FBXO32: variants seen among roughly 807,000 people sequenced by gnomAD.
FBXO32 encodes the protein F-box protein 32, also known as F-box only protein 32.
In FBXO32, 15 loss-of-function variants were observed where a neutral mutation model predicts 48.3. The observed-to-expected ratio is 0.31, with a 90% CI of 0.21 to 0.48. FBXO32 has a LOEUF of 0.48. Ranked by LOEUF, FBXO32 falls within the 20% of genes least tolerant of loss-of-function variation. FBXO32 has a pLI of 0.99. For synonymous variants in FBXO32, 154 were observed against 165.9 expected (o/e 0.93, Z 0.55); for missense variants, 309 against 432.7 (o/e 0.71, Z 2.54).
intron 4 of FBXO32, among the ~76,000 whole-genome samples, chr8:123,514,711 C>T (rs145369705): frequency 6.6e-6 from 1 of 152,326 alleles, no homozygotes; most frequent in East Asian, 1.9e-4. Flanking sequence ...CTTCTGCCCC[C>T]GCTTGAACTT....
chr8:123,509,382 T>C lies in FBXO32; in HGVS notation c.652-2808A>G, dbSNP rs367970491. 2.6e-4 allele frequency among the ~76,000 whole-genome samples: 40 copies of C among 152,250 alleles called. No individual in the cohort carries two copies. The South Asian group carries it at 7.7e-3, about 29-fold the overall frequency. ...CTTTTTTCTTTCTCTCTCTCTCAAT[T>C]TCTCTTTCCTCTGCAGAGTTGAGCT... On this transcript the variant is annotated intron_variant, in intron 6 of 8. Transcript: ENST00000517956.
At chr8:123,532,714 A>G (rs889055268) in intron 3 of FBXO32, among the ~76,000 whole-genome samples, 6 of 152,236 alleles carry the variant, frequency 3.9e-5, no homozygotes, top group Admixed American at 1.3e-4. Flanking sequence ...AAATATACAT[A>G]AAAGGGCTTT....
In FBXO32 at chr8:123,541,058, T is replaced by C; in HGVS notation, c.-44A>G. The C allele has an allele frequency of 1.4e-6, 2 of 1,388,236 alleles. No individual in the cohort carries two copies. The highest frequency in any genetic ancestry group is 1.3e-5 in the South Asian group (1 of 75,940). 86.0% of individuals were successfully genotyped at this position (1,388,236 alleles called of 1,614,324 possible). A position where few individuals can be genotyped will look rare whatever the true frequency, so the allele number is the denominator to read the frequency against. On this transcript the variant is annotated 5_prime_UTR_variant, in exon 1 of 9. Coordinates refer to ENST00000517956, the MANE Select transcript of FBXO32 (RefSeq NM_058229.4). Reference sequence around the variant, plus strand: ...GACGGATGGGGAGACGGGGCCGGCCTGGTGGGCTCGGGGACGTGCCACCCG... The same window carrying C: ...GACGGATGGGGAGACGGGGCCGGCCCGGTGGGCTCGGGGACGTGCCACCCG...
At chr8:123,530,972 ATTTTT>A (rs35151201) in intron 4 of FBXO32, among the ~76,000 whole-genome samples, 2 of 68,996 alleles carry the variant, frequency 2.9e-5, no homozygotes, top group Non-Finnish European at 2.4e-5. Context: ...ATCCAGTCAG[ATTTTT>A]TTTTTTTTTT....
At position 123,499,728 on chromosome 8, in the gene FBXO32, A is replaced by G. The variant is rs1816441599; in HGVS notation, c.*3645T>C. The G allele has an allele frequency of 1.3e-5, 2 of 152,250 alleles. No homozygotes were observed. The highest frequency in any genetic ancestry group is 1.3e-4 in the Admixed American group (2 of 15,282). The allele number at this position is 152,250 out of a possible 1,614,324, so 9.4% of individuals were successfully genotyped here. A position where few individuals can be genotyped will look rare whatever the true frequency, so the allele number is the denominator to read the frequency against. On this transcript the variant is annotated 3_prime_UTR_variant, in exon 9 of 9. Transcript: ENST00000517956. Reference sequence around the variant, plus strand: ...TTCTTGTAAATCATACCAATTGTTTAGACAATTGAAATTCCAAGCTCTTTC... The same window carrying G: ...TTCTTGTAAATCATACCAATTGTTTGGACAATTGAAATTCCAAGCTCTTTC...
rs1333680519 is a variant in FBXO32, at chr8:123,502,115, A to G, written c.*1258T>C. On this transcript the variant is annotated 3_prime_UTR_variant, in exon 9 of 9. Transcript: ENST00000517956. ...GTACCTCTCCTCCCTATTTGGCTGG[A>G]ACTCCAGCCTTGATTTTTAATCACC... The G allele has an allele frequency of 6.6e-6, 1 of 152,176 alleles. No homozygotes were observed. The highest frequency in any genetic ancestry group is 1.9e-4 in the East Asian group (1 of 5,190). 9.4% of individuals were successfully genotyped at this position (152,176 alleles called of 1,614,324 possible).
rs1221013653 is a variant in FBXO32, at chr8:123,498,508, C to G, written c.*4865G>C. On this transcript the variant is annotated 3_prime_UTR_variant, in exon 9 of 9. Transcript: ENST00000517956. ...CAGACAAAGTCATGAATATCATGGC[C>G]CCTTGCTCCTGGCTGCCTCATGGAA... 1 of 152,152 alleles carries G rather than the reference C, an allele frequency of 6.6e-6. No homozygotes were observed. Among genetic ancestry groups the G allele is most frequent in the Non-Finnish European group, 1.5e-5 (1 of 68,030 alleles). 9.4% of individuals were successfully genotyped at this position (152,152 alleles called of 1,614,324 possible).
In FBXO32 at chr8:123,539,006, A is replaced by T. The variant is rs138270157; in HGVS notation, c.116+1893T>A. 3.7e-3 allele frequency among the ~76,000 whole-genome samples: 566 copies of T among 152,218 alleles called. 5 individuals carry two copies. The highest frequency in any genetic ancestry group is 4.4e-3 in the Non-Finnish European group (297 of 68,014). On this transcript the variant is annotated intron_variant, in intron 1 of 8. Coordinates refer to ENST00000517956, the MANE Select transcript of FBXO32 (RefSeq NM_058229.4). Reference sequence around the variant, plus strand: ...ATAGGGTATTTTAAAACAAATTTTAAATTTTTATTTATTTTTAGAGACAGG... The same window carrying T: ...ATAGGGTATTTTAAAACAAATTTTATATTTTTATTTATTTTTAGAGACAGG...
intron 2 of FBXO32, 87 bp downstream of exon 2, chr8:123,534,615 A>G (rs1313768179): frequency 5.2e-6 from 4 of 770,630 alleles, no homozygotes; most frequent in Admixed American, 4.1e-5. Flanking sequence ...GATGTGTGAC[A>G]TGGGAGGTGT....
At chr8:123,535,158 A>G (rs1817285950) in intron 1 of FBXO32, among the ~76,000 whole-genome samples, 1 of 152,100 alleles carries the variant, frequency 6.6e-6, no homozygotes, top group Non-Finnish European at 1.5e-5. Context: ...AAAATGACGA[A>G]TGGGGGGAGG....
At chr8:123,509,015 GT>G (rs149153378) in intron 6 of FBXO32, among the ~76,000 whole-genome samples, 5,746 of 152,184 alleles carry the variant, frequency 0.038, 152 homozygotes, top group Non-Finnish European at 0.057. Flanking sequence ...ATCCACTAGG[GT>G]CTATGTCACT....
chr8:123,515,433 G>C (rs1287051740), intron 4 of FBXO32, among the ~76,000 whole-genome samples: 1 of 149,614 alleles, frequency 6.7e-6, no homozygotes, highest in African/African-American at 2.5e-5. Context: ...ATTTTTATTG[G>C]AGACAGGGTT....
intron 1 of FBXO32, among the ~76,000 whole-genome samples, chr8:123,538,106 G>A (rs1817345136): frequency 6.6e-6 from 1 of 151,944 alleles, no homozygotes; most frequent in South Asian, 2.1e-4. Flanking sequence ...TTTTGAGAAG[G>A]GGTCCTGCTT....
At chr8:123,530,647 G>C (rs900703108) in intron 4 of FBXO32, among the ~76,000 whole-genome samples, 2 of 152,082 alleles carry the variant, frequency 1.3e-5, no homozygotes, top group Non-Finnish European at 1.5e-5. Context: ...ACAGAGTCTC[G>C]CACTGTCGCC....
chr8:123,510,913 G>A (rs899569155), intron 6 of FBXO32, among the ~76,000 whole-genome samples: 2 of 152,208 alleles, frequency 1.3e-5, no homozygotes, highest in East Asian at 3.8e-4. Context: ...TGATATGATG[G>A]TGATGTCCAT....
Position 123,499,989 on chromosome 8 carries a change from A to T in FBXO32, c.*3384T>A, listed in dbSNP as rs1446521225. On this transcript the variant is annotated 3_prime_UTR_variant, in exon 9 of 9. Transcript: ENST00000517956. ...TTCAATGTAAACCTGATCATCATTA[A>T]ACAAAAATCATCTCACAACTGATAC... is the stretch of plus-strand genomic sequence containing the variant. The T allele has an allele frequency of 6.6e-6, 1 of 152,234 alleles. No individual in the cohort carries two copies. The highest frequency in any genetic ancestry group is 1.5e-5 in the Non-Finnish European group (1 of 68,056). 9.4% of individuals were successfully genotyped at this position (152,234 alleles called of 1,614,324 possible). A position where few individuals can be genotyped will look rare whatever the true frequency, so the allele number is the denominator to read the frequency against.
intron 4 of FBXO32, among the ~76,000 whole-genome samples, chr8:123,529,230 A>G (rs1454272004): frequency 6.6e-6 from 1 of 152,226 alleles, no homozygotes; most frequent in Middle Eastern, 3.2e-3. Context: ...CAAAGCGCTC[A>G]TGATGTATTT....
chr8:123,513,995 C>T lies in FBXO32; in HGVS notation c.466+245G>A, dbSNP rs985491825. On this transcript the variant is annotated intron_variant, in intron 5 of 8. Coordinates refer to ENST00000517956, the MANE Select transcript of FBXO32 (RefSeq NM_058229.4). This position sits in a 1 kb window ranked among gnomAD's most constrained non-coding sequence, Gnocchi z 4.3. ...TGTCTACACTGAGAAGCCTACGAGG[C>T]TTATAGTAGGGCAAGTGGATGGTCC... The T allele has an allele frequency of 7.4e-5, 32 of 434,078 alleles. No individual in the cohort carries two copies. In the Admixed American group the frequency reaches 1.3e-3, roughly 17 times the overall value. 26.9% of individuals were successfully genotyped at this position (434,078 alleles called of 1,614,324 possible).
chr8:123,517,973 C>T (rs1014932297), intron 4 of FBXO32, among the ~76,000 whole-genome samples: 3 of 152,136 alleles, frequency 2.0e-5, no homozygotes, highest in Non-Finnish European at 4.4e-5. Flanking sequence ...TTGTGGGCCA[C>T]GTGGTCTCTG....
Sources: gnomAD v4.1 joint callset for allele counts (sites outside exome capture counted in the v4.1 genomes callset) on GRCh38, gnomAD v4.1.1 for gene constraint, Gnocchi (gnomAD v3.1) non-coding constraint, MANE v1.5 for transcripts, NCBI Gene and HGNC (gene_info 2026-07-23, HGNC 2026-07-21) for gene names.